Variants in GALNT9 observed in about 807,000 individuals in gnomAD.
GALNT9 encodes the protein GalNAc transferase 9.
In GALNT9, 47 loss-of-function variants were observed where a neutral mutation model predicts 63.1. The ratio of observed to expected loss-of-function variants is 0.75; its 90% confidence interval spans 0.59 to 0.95. The LOEUF is 0.95. GALNT9 is among the 40% of genes least tolerant of loss of function. The pLI is 0.00. For missense variants in GALNT9, 829 were observed against 874.8 expected, an observed-to-expected ratio of 0.95 and a Z score of 0.66; for synonymous variants, 396 against 365.7, an observed-to-expected ratio of 1.08 and a Z score of -0.94.
chr12:132,214,269 G>A (rs1196413750), intron 6 of GALNT9, among the ~76,000 whole-genome samples: 2 of 152,312 alleles, frequency 1.3e-5, no homozygotes, highest in Non-Finnish European at 2.9e-5. Flanking sequence ...CCACACCGGC[G>A]ACTCCACCGT....
chr12:132,244,952 C>T (rs1436436071), intron 6 of GALNT9, among the ~76,000 whole-genome samples: 3 of 150,706 alleles, frequency 2.0e-5, no homozygotes, highest in Non-Finnish European at 4.4e-5. Context: ...AAGGTGAAAA[C>T]TTTCAAGCCC....
Position 132,236,723 on chromosome 12 carries a change from G to A in GALNT9, c.1077+11187C>T, listed in dbSNP as rs1273894244. On this transcript the variant is annotated intron_variant, in intron 6 of 10. Transcript: ENST00000328957. The surrounding 1 kb of genome is among the most constrained non-coding windows in gnomAD (Gnocchi z 5.6). Reference sequence around the variant, plus strand: ...GTTTCGGGGCATCAAGCCTGGCCTCGGCCAGCCACGCCTCCTGGGGGTCTC... The same window carrying A: ...GTTTCGGGGCATCAAGCCTGGCCTCAGCCAGCCACGCCTCCTGGGGGTCTC... Among the ~76,000 whole-genome samples, 2 of 152,158 alleles carry A rather than the reference G, an allele frequency of 1.3e-5. No individual in the cohort carries two copies. The highest frequency in any genetic ancestry group is 1.5e-5 in the Non-Finnish European group (1 of 68,016).
chr12:132,276,870 A>G (rs549968182), intron 2 of GALNT9, among the ~76,000 whole-genome samples: 1 of 152,298 alleles, frequency 6.6e-6, no homozygotes, highest in African/African-American at 2.4e-5. Context: ...TTGAAAGTGG[A>G]TGGAATCACC....
rs1215101066 is a variant in GALNT9, at chr12:132,261,048, G to A, written c.661C>T (p.Arg221Trp). Reference protein sequence around the residue: ...PGLVKIVRNSRREGLIRARLQ... With the variant: ...PGLVKIVRNSWREGLIRARLQ... ...CGCGCGCGGATCAGTCCTTCCCGCC[G>A]GCTGTTGCGGACAATCTTCACGAGG... Residue 221 changes from arginine to tryptophan, a missense_variant, in exon 4 of 11, where the codon CGG (arginine) becomes TGG (tryptophan). Arg to Trp is a moderately radical substitution (Grantham distance 101). Transcript: ENST00000328957. 7.7e-6 allele frequency: 12 copies of A among 1,551,304 alleles called. No individual in the cohort carries two copies. The highest frequency in any genetic ancestry group is 4.1e-5 in the African/African-American group (3 of 73,044).
chr12:132,240,790 G>C (rs1163022326), intron 6 of GALNT9: 12 of 448,836 alleles, frequency 2.7e-5, no homozygotes, highest in Non-Finnish European at 5.4e-5. Flanking sequence ...ATCTATACAT[G>C]TTTACACACA....
chr12:132,322,323 A>G (rs1593126350), intron 1 of GALNT9, among the ~76,000 whole-genome samples: 1 of 152,226 alleles, frequency 6.6e-6, no homozygotes, highest in East Asian at 1.9e-4. Flanking sequence ...AGGTGGGGAC[A>G]TCTCTGCTCA....
chr12:132,283,581 A>G (rs1406893048), intron 2 of GALNT9: 1 of 152,330 alleles, frequency 6.6e-6, no homozygotes, highest in Non-Finnish European at 1.5e-5. Context: ...CACGGTGGGC[A>G]CTTGGCCTCA....
intron 1 of GALNT9, among the ~76,000 whole-genome samples, chr12:132,298,211 A>T (rs1464796997): frequency 6.6e-6 from 1 of 151,992 alleles, no homozygotes; most frequent in Non-Finnish European, 1.5e-5. Context: ...ACCCACTCCC[A>T]AGTTAACTAA....
intron 1 of GALNT9, among the ~76,000 whole-genome samples, chr12:132,328,639 C>G (rs1379076738): frequency 5.3e-5 from 8 of 152,160 alleles, no homozygotes; most frequent in Non-Finnish European, 1.0e-4. Context: ...CCACCCCACA[C>G]TCCTGGACCT....
At position 132,197,980 on chromosome 12, in the gene GALNT9, A is replaced by C. The variant is rs750825017; in HGVS notation, c.1498-21T>G. ...ACCAGCTGGGGACAGGACCACCGGG[A>C]CTGTGTGTGAGCAGCGCCCAGGCTC... On this transcript the variant is annotated intron_variant, in intron 9 of 10. Coordinates refer to ENST00000328957, the MANE Select transcript of GALNT9 (RefSeq NM_001122636.2). The C allele has an allele frequency of 1.7e-5, 27 of 1,591,468 alleles. No individual in the cohort carries two copies. In the South Asian group the frequency reaches 2.7e-4, roughly 16 times the overall value.
intron 1 of GALNT9, among the ~76,000 whole-genome samples, chr12:132,318,843 C>A (rs1868646962): frequency 6.6e-6 from 1 of 152,230 alleles, no homozygotes; most frequent in Non-Finnish European, 1.5e-5. Context: ...CCAGGCCAGT[C>A]CCACAGGGCA....
rs544627384 is a variant in GALNT9, at chr12:132,296,192, G to A, written c.239-9762C>T. ...AGCCTCCGGAATAGGGACGGCCTCC[G>A]AACAGGGAGAGTGTCCGTTTCTGTT... On this transcript the variant is annotated intron_variant, in intron 1 of 10. Transcript: ENST00000328957. The surrounding 1 kb of genome is among the most constrained non-coding windows in gnomAD (Gnocchi z 4.2). Among the ~76,000 whole-genome samples, 4 of 152,176 alleles carry A rather than the reference G, an allele frequency of 2.6e-5. No homozygotes were observed. Among genetic ancestry groups the A allele is most frequent in the East Asian group, 1.9e-4 (1 of 5,190 alleles).
chr12:132,240,639 G>A (rs2136899028), intron 6 of GALNT9: 216 of 449,732 alleles, frequency 4.8e-4, no homozygotes, highest in African/African-American at 3.8e-3. Flanking sequence ...TATGGGCCTC[G>A]GACCTGCTCC....
intron 1 of GALNT9, among the ~76,000 whole-genome samples, chr12:132,301,357 T>C (rs1555243811): frequency 6.6e-6 from 1 of 152,218 alleles, no homozygotes; most frequent in Non-Finnish European, 1.5e-5. Context: ...CGGCTGTGCT[T>C]CCACTCCGCG....
rs1054099635 is a variant in GALNT9 at position 132,238,546 on chromosome 12, G to A, written c.1077+9364C>T. On this transcript the variant is annotated intron_variant, in intron 6 of 10. Coordinates refer to ENST00000328957, the MANE Select transcript of GALNT9 (RefSeq NM_001122636.2). The surrounding 1 kb of genome is among the most constrained non-coding windows in gnomAD (Gnocchi z 6.5). ...CCAGGACAGGCCAGAGGGCGGGGCCGTGGCATGGGGAGGGGCTGCCCTAGG... is the reference window on the plus strand; with the variant it reads ...CCAGGACAGGCCAGAGGGCGGGGCCATGGCATGGGGAGGGGCTGCCCTAGG... Among the ~76,000 whole-genome samples, 15 of 152,112 alleles carry A rather than the reference G, an allele frequency of 9.9e-5. No homozygotes were observed. Among genetic ancestry groups the A allele is most frequent in the African/African-American group, 2.7e-4 (11 of 41,416 alleles).
intron 1 of GALNT9, among the ~76,000 whole-genome samples, chr12:132,303,551 C>G (rs370172243): frequency 3.1e-5 from 4 of 127,732 alleles, no homozygotes; most frequent in South Asian, 2.9e-4. Flanking sequence ...CCGGGCACAC[C>G]CTCACCCAGA....
At chr12:132,268,490 A>C (rs536676145) in intron 2 of GALNT9, among the ~76,000 whole-genome samples, 2 of 152,332 alleles carry the variant, frequency 1.3e-5, no homozygotes, top group East Asian at 3.9e-4. Flanking sequence ...GGCTTAAGCA[A>C]AGATTTCTTC....
At chr12:132,251,444 G>A (rs782001356) in intron 5 of GALNT9, among the ~76,000 whole-genome samples, 2 of 152,176 alleles carry the variant, frequency 1.3e-5, no homozygotes, top group Admixed American at 6.5e-5. Context: ...GGAGGGGAGC[G>A]GCTGCTCTCG....
In GALNT9 at chr12:132,203,581, T is replaced by C. The variant is rs1876372549; in HGVS notation, c.1187A>G (p.Asn396Ser). 6.2e-7 allele frequency: 1 copy of C among 1,613,864 alleles called. No individual in the cohort carries two copies. The highest frequency in any genetic ancestry group is 8.5e-7 in the Non-Finnish European group (1 of 1,179,798). The change falls in exon 7 of 11, where the codon AAC (asparagine) becomes AGC (serine). Residue 396 changes from asparagine to serine, a missense_variant. Transcript: ENST00000328957. Reference sequence around the variant, plus strand: ...CCACACCTCGGCGGCGCGCAGGGCGTTGCGCTTGGCATAGTAGTCAATGTC... The same window carrying C: ...CCACACCTCGGCGGCGCGCAGGGCGCTGCGCTTGGCATAGTAGTCAATGTC... Reference protein sequence around the residue: ...NNDIDYYAKRNALRAAEVWMD... With the variant: ...NNDIDYYAKRSALRAAEVWMD...
Sources: gnomAD v4.1 joint callset for allele counts (sites outside exome capture counted in the v4.1 genomes callset) on GRCh38, gnomAD v4.1.1 for gene constraint, Gnocchi (gnomAD v3.1) non-coding constraint, MANE v1.5 for transcripts, NCBI Gene and HGNC (gene_info 2026-07-23, HGNC 2026-07-21) for gene names.